The following TCF12 variants were observed in gnomAD, a reference collection of about 807,000 sequenced individuals.
TCF12 encodes transcription factor 12, also known as DNA-binding protein HTF4.
TCF12 carries 45 observed loss-of-function variants against 86.0 expected under a neutral mutation model. The ratio of observed to expected loss-of-function variants is 0.52; its 90% CI spans 0.41 to 0.67. The LOEUF is 0.67. TCF12 is among the 30% of genes least tolerant of loss of function. The pLI is 0.00. For missense variants in TCF12, 881 were observed against 859.9 expected, an observed-to-expected ratio of 1.02 and a Z score of -0.31; for synonymous variants, 330 against 299.6, an observed-to-expected ratio of 1.10 and a Z score of -1.05.
At chr15:57,262,048 G>A (rs1274279368) in intron 16 of TCF12, 46 bp from the exon 17 acceptor site, 3 of 1,333,162 alleles carry the variant, frequency 2.3e-6, no homozygotes, top group African/African-American at 1.5e-5. Flanking sequence ...TATTGCCTCT[G>A]AACTATCTTA....
intron 5 of TCF12, among the ~76,000 whole-genome samples, chr15:57,153,422 C>T (rs186755943): frequency 5.7e-4 from 87 of 152,224 alleles, no homozygotes; most frequent in Admixed American, 4.3e-3. Flanking sequence ...AGGAAGCAGG[C>T]CATGAGTCAT....
At chr15:57,180,628 G>A (rs1379658085) in intron 6 of TCF12, among the ~76,000 whole-genome samples, 1 of 147,528 alleles carries the variant, frequency 6.8e-6, no homozygotes, top group Non-Finnish European at 1.5e-5. Context: ...GTGTAAGATA[G>A]GCTTGAAATT....
At chr15:57,164,858 T>A (rs528135054) in intron 5 of TCF12, among the ~76,000 whole-genome samples, 1 of 152,142 alleles carries the variant, frequency 6.6e-6, no homozygotes, top group East Asian at 1.9e-4. Context: ...TTTTTGTATT[T>A]ATAGTAGAGA....
intron 4 of TCF12, among the ~76,000 whole-genome samples, chr15:57,067,702 TAG>T (rs2069019407): frequency 6.6e-6 from 1 of 152,146 alleles, no homozygotes; most frequent in African/African-American, 2.4e-5. Flanking sequence ...CTACTTTTGT[TAG>T]AGTCCTGGTT....
intron 8 of TCF12, among the ~76,000 whole-genome samples, chr15:57,205,959 T>C (rs943887952): frequency 7.9e-5 from 12 of 152,248 alleles, no homozygotes; most frequent in Non-Finnish European, 1.6e-4. Context: ...TTCTGACTTC[T>C]CTATTCCTTT....
intron 13 of TCF12, among the ~76,000 whole-genome samples, chr15:57,250,679 A>G (rs1428308194): frequency 6.6e-6 from 1 of 152,004 alleles, no homozygotes; most frequent in African/African-American, 2.4e-5. Context: ...CAGTGAGTCA[A>G]GATTGTACCA....
At position 57,067,493 on chromosome 15, in the gene TCF12, C is replaced by T. The variant is rs547837804; in HGVS notation, c.222+3670C>T. ...AGGCGGAACTCGCAGTGAGCCAGATCCCGCCACTGCACTCCAGCCTGGGCG... is the reference window on the plus strand; with the variant it reads ...AGGCGGAACTCGCAGTGAGCCAGATTCCGCCACTGCACTCCAGCCTGGGCG... On this transcript the variant is annotated intron_variant, in intron 4 of 20. Transcript: ENST00000333725. 4.7e-4 allele frequency among the ~76,000 whole-genome samples: 65 copies of T among 137,678 alleles called. 1 individual carries two copies. Among genetic ancestry groups the T allele is most frequent in the African/African-American group, 1.5e-3 (57 of 38,184 alleles). The allele number at this position is 137,678 out of a possible 152,430, so 90.3% of individuals were successfully genotyped here.
intron 7 of TCF12, among the ~76,000 whole-genome samples, chr15:57,196,664 C>G (rs2057281152): frequency 6.6e-6 from 1 of 152,104 alleles, no homozygotes; most frequent in Admixed American, 6.6e-5. Flanking sequence ...GTAAAATTAA[C>G]TCATCAAGTG....
At chr15:57,150,409 T>TTGG (rs1361406640) in intron 5 of TCF12, among the ~76,000 whole-genome samples, 4 of 152,120 alleles carry the variant, frequency 2.6e-5, no homozygotes, top group African/African-American at 9.7e-5. Flanking sequence ...GGGTATTGTG[T>TTGG]TGGTGGTGCT....
intron 5 of TCF12, chr15:57,129,843 A>G (rs990261298): frequency 6.6e-6 from 1 of 152,230 alleles, no homozygotes; most frequent in African/African-American, 2.4e-5. Context: ...ACCAGGGTTC[A>G]TCTTACAGTT....
chr15:57,157,500 G>T (rs1381445554), intron 5 of TCF12, among the ~76,000 whole-genome samples: 1 of 151,224 alleles, frequency 6.6e-6, no homozygotes, highest in Non-Finnish European at 1.5e-5. Flanking sequence ...GTTAAGAAAA[G>T]TGATTCCAAA....
At chr15:57,097,124 C>G (rs1196217399) in intron 5 of TCF12, among the ~76,000 whole-genome samples, 1 of 152,150 alleles carries the variant, frequency 6.6e-6, no homozygotes, top group Admixed American at 6.5e-5. Flanking sequence ...GAAAATTCTT[C>G]TGTAAACTTG....
chr15:57,164,474 A>C (rs1468257499), intron 5 of TCF12, among the ~76,000 whole-genome samples: 1 of 151,778 alleles, frequency 6.6e-6, no homozygotes, highest in African/African-American at 2.4e-5. Context: ...AAGGGGAAAA[A>C]CCCCTTATAA....
intron 3 of TCF12, among the ~76,000 whole-genome samples, chr15:56,937,922 A>G (rs2060538908): frequency 6.6e-6 from 1 of 151,094 alleles, no homozygotes; most frequent in Non-Finnish European, 1.5e-5. Flanking sequence ...ATGATGGATT[A>G]TCTTTTTGAT....
chr15:57,059,046 T>C (rs1187422317), intron 3 of TCF12, among the ~76,000 whole-genome samples: 1 of 152,266 alleles, frequency 6.6e-6, no homozygotes, highest in Non-Finnish European at 1.5e-5. Context: ...CTAGTCAGAA[T>C]TCTTTCATCA....
chr15:57,195,995 A>G (rs11633061), intron 7 of TCF12, among the ~76,000 whole-genome samples: 1,756 of 152,056 alleles, frequency 0.012, 32 homozygotes, highest in African/African-American at 0.04. Flanking sequence ...CAGAGCAAGA[A>G]CCTGTCTCTG....
chr15:56,958,081 T>A (rs7164026), intron 3 of TCF12, among the ~76,000 whole-genome samples: 7,490 of 152,246 alleles, frequency 0.049, 381 homozygotes, highest in African/African-American at 0.13. Flanking sequence ...ATTCAGTCTC[T>A]AGCTTCAGGT....
chr15:57,050,711 A>T (rs1163294847), intron 3 of TCF12, among the ~76,000 whole-genome samples: 4 of 151,884 alleles, frequency 2.6e-5, no homozygotes, highest in Admixed American at 2.6e-4. Flanking sequence ...TTTTTTCATT[A>T]TTTTTTGTGC....
chr15:57,073,778 T>C (rs1235727172), intron 4 of TCF12, among the ~76,000 whole-genome samples: 1 of 152,220 alleles, frequency 6.6e-6, no homozygotes, highest in Non-Finnish European at 1.5e-5. Flanking sequence ...AGACGGAGTC[T>C]CGCTGTGTCG....
Sources: allele counts gnomAD v4.1 joint callset (sites outside exome capture counted in the v4.1 genomes callset), GRCh38; gene constraint gnomAD v4.1.1; transcripts MANE v1.5; gene names NCBI Gene and HGNC (gene_info 2026-07-23, HGNC 2026-07-21).